The following CWH43 variants were observed in gnomAD, a reference collection of about 807,000 sequenced individuals.
CWH43 encodes PGAP2-interacting protein.
Under a neutral mutation model 85.7 loss-of-function variants are expected in CWH43, and 91 were observed. The ratio of observed to expected loss-of-function variants is 1.06; its 90% CI spans 0.90 to 1.26. The LOEUF (loss-of-function observed/expected upper bound fraction) is 1.26. CWH43 is among the 50% of genes most tolerant of loss of function. CWH43 has a pLI of 0.00. For synonymous variants in CWH43, 323 were observed against 293.6 expected (o/e 1.10, Z -1.02); for missense variants, 869 against 839.2 (o/e 1.04, Z -0.44).
Position 49,017,374 on chromosome 4 carries a change from A to G in CWH43, c.1266+46A>G, listed in dbSNP as rs145481328. ...AAATAGAATTTTATATGGTATATAT[A>G]TGTGCATATATTTGTACAATTTACC... On this transcript the variant is annotated intron_variant, in intron 9 of 15. Coordinates refer to ENST00000226432, the MANE Select transcript of CWH43 (RefSeq NM_025087.3). 900 of 1,303,760 alleles carry G rather than the reference A, an allele frequency of 6.9e-4. 4 individuals are homozygous for G. The African/African-American group carries it at 0.012, about 17-fold the overall frequency. The allele number at this position is 1,303,760 out of a possible 1,614,324, so 80.8% of individuals were successfully genotyped here.
At chr4:49,014,256 C>T (rs534210941) in intron 8 of CWH43, among the ~76,000 whole-genome samples, 87 of 152,038 alleles carry the variant, frequency 5.7e-4, no homozygotes, top group Middle Eastern at 6.8e-3. Context: ...AGTTCGAGAC[C>T]AGCATAAGCA....
At chr4:49,038,221 A>G (rs1784321588) in intron 13 of CWH43, 41 bp downstream of exon 13, 1 of 1,455,154 alleles carries the variant, frequency 6.9e-7, no homozygotes, top group Non-Finnish European at 9.2e-7. Flanking sequence ...ATTAAGTAAA[A>G]CATTTCTTTT....
At chr4:49,020,096 G>T (rs983216496) in intron 9 of CWH43, among the ~76,000 whole-genome samples, 1 of 151,812 alleles carries the variant, frequency 6.6e-6, no homozygotes. Context: ...TGAGATTTTG[G>T]TGCAGTCATC....
intron 2 of CWH43, among the ~76,000 whole-genome samples, chr4:48,989,625 G>C (rs1392983313): frequency 1.3e-5 from 2 of 152,164 alleles, no homozygotes; most frequent in African/African-American, 4.8e-5. Flanking sequence ...ATGAAGTCTT[G>C]CTATGTTGCT....
chr4:48,999,098 A>G (rs1782909876), intron 6 of CWH43, among the ~76,000 whole-genome samples: 1 of 151,870 alleles, frequency 6.6e-6, no homozygotes, highest in Non-Finnish European at 1.5e-5. Flanking sequence ...CCTCTGGTGG[A>G]CCCCAGTGTC....
intron 9 of CWH43, among the ~76,000 whole-genome samples, 163 bp downstream of exon 9, chr4:49,017,491 T>C (rs1560497477): frequency 6.6e-6 from 1 of 152,194 alleles, no homozygotes; most frequent in African/African-American, 2.4e-5. Context: ...GTGGGATTAT[T>C]TTATGAAGTT....
At chr4:49,048,319 A>G (rs1296263792) in intron 14 of CWH43, among the ~76,000 whole-genome samples, 2 of 150,720 alleles carry the variant, frequency 1.3e-5, no homozygotes, top group East Asian at 3.9e-4. Flanking sequence ...ATATATATAC[A>G]CTCTGTGTGT....
intron 7 of CWH43, among the ~76,000 whole-genome samples, chr4:49,005,563 CTTTTTTTT>C (rs1267997352): frequency 7.8e-6 from 1 of 127,956 alleles, no homozygotes; most frequent in African/African-American, 2.9e-5. Flanking sequence ...TTTTTTTTTT[CTTTTTTTT>C]TTTTTTGAGA....
rs1222908164 is a variant in CWH43, at chr4:49,028,669, G to A, written c.1307G>A (p.Arg436Lys). The change falls in exon 10 of 16, where the codon AGG (arginine) becomes AAG (lysine). Residue 436 changes from arginine to lysine, a missense_variant. This residue lies in a region of CWH43 where 577 missense variants were observed against 513.1 expected (regional missense o/e 1.12). Coordinates refer to ENST00000226432, the MANE Select transcript of CWH43 (RefSeq NM_025087.3). ...KEVSAAIWPF[R>K]FGYDNEGWSS... is the part of the protein sequence containing the mutation. ...GTCTCTGCTGCCATCTGGCCTTTCA[G>A]GTTTGGATATGACAATGAAGGGTGG... 1 of 1,613,788 alleles carries A rather than the reference G, an allele frequency of 6.2e-7. No individual in the cohort carries two copies. The highest frequency in any genetic ancestry group is 2.2e-5 in the East Asian group (1 of 44,884).
chr4:49,040,464 T>C (rs1402928618), intron 13 of CWH43, among the ~76,000 whole-genome samples: 1 of 152,222 alleles, frequency 6.6e-6, no homozygotes, highest in East Asian at 1.9e-4. Flanking sequence ...GGTATCTCAT[T>C]GTGGTTTTGA....
At chr4:49,006,483 C>T (rs1455146178) in intron 7 of CWH43, among the ~76,000 whole-genome samples, 1 of 152,148 alleles carries the variant, frequency 6.6e-6, no homozygotes. Context: ...TGGATTCCTC[C>T]TGCTATTTCC....
At chr4:48,988,746 A>G (rs1354896480) in intron 2 of CWH43, 78 bp downstream of exon 2, 5 of 827,046 alleles carry the variant, frequency 6.0e-6, no homozygotes, top group Non-Finnish European at 1.8e-6. Context: ...TGTTCTTTGA[A>G]TACTAAATAT....
chr4:49,031,250 T>C (rs1784086793), intron 11 of CWH43: 1 of 296,834 alleles, frequency 3.4e-6, no homozygotes, highest in Non-Finnish European at 6.2e-6. Flanking sequence ...TACCTTCCAG[T>C]GTAAGACAGA....
At chr4:49,039,416 G>A (rs1481612525) in intron 13 of CWH43, among the ~76,000 whole-genome samples, 1 of 119,370 alleles carries the variant, frequency 8.4e-6, no homozygotes, top group African/African-American at 3.2e-5. Flanking sequence ...TATATATACT[G>A]ATATATATAT....
intron 14 of CWH43, among the ~76,000 whole-genome samples, chr4:49,045,365 ATGTG>A (rs1784591884): frequency 6.6e-6 from 1 of 152,184 alleles, no homozygotes; most frequent in African/African-American, 2.4e-5. Context: ...ATACATGCGT[ATGTG>A]TGTGTATGAT....
At chr4:49,041,729 A>C (rs533826250) in intron 13 of CWH43, among the ~76,000 whole-genome samples, 21 of 152,310 alleles carry the variant, frequency 1.4e-4, no homozygotes, top group African/African-American at 4.6e-4. Flanking sequence ...TTGTGGTTCC[A>C]TTTGACAAGG....
intron 15 of CWH43, among the ~76,000 whole-genome samples, chr4:49,057,299 G>A (rs1380254129): frequency 3.3e-5 from 5 of 152,318 alleles, no homozygotes; most frequent in East Asian, 1.9e-4. Flanking sequence ...GGTTCAGTCC[G>A]GGAAGGCAGG....
At position 48,994,602 on chromosome 4, in the gene CWH43, G is replaced by A; in HGVS notation, c.512-17G>A. On this transcript the variant is annotated splice_polypyrimidine_tract_variant and intron_variant, in intron 4 of 15. Transcript: ENST00000226432. ...ATATAACTAAACTTTTTCCATATAT[G>A]TATTTTTAAATTCTAGATGGTGACT... The A allele has an allele frequency of 6.3e-7, 1 of 1,598,650 alleles. No individual in the cohort carries two copies. Among genetic ancestry groups the A allele is most frequent in the East Asian group, 2.2e-5 (1 of 44,836 alleles).
In CWH43 at chr4:49,005,395, C is replaced by T. The variant is rs185751939; in HGVS notation, c.1060+1403C>T. Among the ~76,000 whole-genome samples, 50 of 152,160 alleles carry T rather than the reference C, an allele frequency of 3.3e-4. No homozygotes were observed. The East Asian group carries it at 7.7e-3, about 23-fold the overall frequency. On this transcript the variant is annotated intron_variant, in intron 7 of 15. Transcript: ENST00000226432. ...TTCTGGTCTACTTTATCTACCACTCCCAGCTGCTGAAATATTAAAAACACC... is the reference window on the plus strand; with the variant it reads ...TTCTGGTCTACTTTATCTACCACTCTCAGCTGCTGAAATATTAAAAACACC...
Sources: gnomAD v4.1 joint callset for allele counts (sites outside exome capture counted in the v4.1 genomes callset) on GRCh38, gnomAD v4.1.1 for gene constraint, gnomAD v4.1.1 regional missense constraint, MANE v1.5 for transcripts, NCBI Gene and HGNC (gene_info 2026-07-23, HGNC 2026-07-21) for gene names.